The following GNG12 variants were observed in gnomAD, a reference collection of about 807,000 sequenced individuals.
The protein encoded by GNG12 is G protein subunit gamma 12.
For synonymous variants in GNG12, 28 were observed against 29.7 expected, an observed-to-expected ratio of 0.94 and a Z score of 0.19; for missense variants, 69 against 83.8, an observed-to-expected ratio of 0.82 and a Z score of 0.69.
intron 2 of GNG12, among the ~76,000 whole-genome samples, chr1:67,770,103 A>T (rs1365290715): frequency 6.6e-6 from 1 of 152,188 alleles, no homozygotes; most frequent in Non-Finnish European, 1.5e-5. Flanking sequence ...CCACCTCAAG[A>T]TGTAACAGAT....
intron 2 of GNG12, among the ~76,000 whole-genome samples, chr1:67,718,486 C>T (rs1646339136): frequency 6.6e-6 from 1 of 152,072 alleles, no homozygotes; most frequent in African/African-American, 2.4e-5. Flanking sequence ...TCTATACTTG[C>T]AGCACATCTC....
chr1:67,789,117 A>C (rs1283528817), intron 1 of GNG12, among the ~76,000 whole-genome samples: 1 of 152,216 alleles, frequency 6.6e-6, no homozygotes, highest in Non-Finnish European at 1.5e-5. Flanking sequence ...GGTAATGAAT[A>C]AAATAGGCGA....
intron 1 of GNG12, among the ~76,000 whole-genome samples, chr1:67,800,345 A>T (rs1646857656): frequency 6.6e-6 from 1 of 152,190 alleles, no homozygotes. Context: ...CCAAAATTCC[A>T]AGTTTGGCTT....
chr1:67,824,367 A>T (rs368571499), intron 1 of GNG12, among the ~76,000 whole-genome samples: 1 of 151,938 alleles, frequency 6.6e-6, no homozygotes. Context: ...AAAGTTTGCC[A>T]GGTGTGGTGG....
intron 2 of GNG12, among the ~76,000 whole-genome samples, chr1:67,768,465 T>TA (rs374961848): frequency 0.01 from 1,560 of 151,544 alleles, 16 homozygotes; most frequent in African/African-American, 0.025. Context: ...CCTATTTGAT[T>TA]AAAAAAAAAC....
In GNG12 at chr1:67,786,957, G is replaced by A. The variant is rs1296745051; in HGVS notation, c.-76-9450C>T. ...TATATGTGTGTGTGTGTGTGTGTGT[G>A]TGTGTGTGTGTGTGTGTGTGTGTGT... On this transcript the variant is annotated intron_variant, in intron 1 of 3. Coordinates refer to ENST00000370982, the MANE Select transcript of GNG12 (RefSeq NM_018841.6). Among the ~76,000 whole-genome samples, 261 of 144,654 alleles carry A rather than the reference G, an allele frequency of 1.8e-3. 2 individuals carry two copies. The highest frequency in any genetic ancestry group is 2.8e-3 in the East Asian group (14 of 5,040). The allele number at this position is 144,654 out of a possible 152,430, so 94.9% of individuals were successfully genotyped here. A position where few individuals can be genotyped will look rare whatever the true frequency, so the allele number is the denominator to read the frequency against.
intron 2 of GNG12, among the ~76,000 whole-genome samples, chr1:67,763,099 G>GAA (rs201291963): frequency 0.016 from 2,438 of 148,766 alleles, 88 homozygotes; most frequent in African/African-American, 0.058. Flanking sequence ...AGGAGAGAGA[G>GAA]AGAGAGAGAG....
At chr1:67,817,757 T>A (rs549018904) in intron 1 of GNG12, among the ~76,000 whole-genome samples, 377 of 151,970 alleles carry the variant, frequency 2.5e-3, no homozygotes, top group Non-Finnish European at 4.3e-3. Flanking sequence ...TAATAAATGT[T>A]AATAAATGTT....
At chr1:67,822,080 C>CA (rs918467324) in intron 1 of GNG12, among the ~76,000 whole-genome samples, 2 of 151,012 alleles carry the variant, frequency 1.3e-5, no homozygotes, top group East Asian at 1.9e-4. Flanking sequence ...AAAAAAATCG[C>CA]AAAAAAAATC....
intron 2 of GNG12, among the ~76,000 whole-genome samples, chr1:67,760,599 T>A (rs937069987): frequency 6.6e-6 from 1 of 152,302 alleles, no homozygotes; most frequent in East Asian, 1.9e-4. Flanking sequence ...ATGAAGCGAC[T>A]TGCCTAAAGT....
chr1:67,770,299 G>A (rs1034958100), intron 2 of GNG12, among the ~76,000 whole-genome samples: 1 of 152,326 alleles, frequency 6.6e-6, no homozygotes, highest in Admixed American at 6.5e-5. Context: ...AGAGGGCTCA[G>A]CCTTTCTTCT....
intron 2 of GNG12, among the ~76,000 whole-genome samples, chr1:67,767,332 CT>C (rs1646646677): frequency 6.6e-6 from 1 of 152,178 alleles, no homozygotes; most frequent in East Asian, 1.9e-4. Flanking sequence ...GCCTGAGCTC[CT>C]CCCGCTTAGG....
intron 2 of GNG12, 48 bp from the exon 3 acceptor site, chr1:67,707,760 T>C (rs1456719427): frequency 7.9e-6 from 7 of 889,400 alleles, no homozygotes; most frequent in Admixed American, 2.3e-5. Context: ...CTTTAAGTTA[T>C]TTAAACATTC....
At chr1:67,821,570 A>C (rs1249328250) in intron 1 of GNG12, among the ~76,000 whole-genome samples, 1 of 152,186 alleles carries the variant, frequency 6.6e-6, no homozygotes, top group Admixed American at 6.5e-5. Context: ...CCTCCCAATA[A>C]GAGGCCAACA....
intron 1 of GNG12, 31 bp downstream of exon 1, chr1:67,833,313 T>C: frequency 1.1e-6 from 1 of 899,042 alleles, no homozygotes. Context: ...GGGACCCGAC[T>C]CACCACCCGC....
intron 1 of GNG12, among the ~76,000 whole-genome samples, chr1:67,822,510 T>C (rs6679986): frequency 0.33 from 50,768 of 151,948 alleles, 8,724 homozygotes; most frequent in Middle Eastern, 0.48. Context: ...TAACAATTGA[T>C]TGAGATAAGT....
chr1:67,714,654 C>A (rs756541772), intron 2 of GNG12, among the ~76,000 whole-genome samples: 1 of 152,200 alleles, frequency 6.6e-6, no homozygotes, highest in Non-Finnish European at 1.5e-5. Context: ...GCATGCCTCA[C>A]TGGACTGCGG....
intron 2 of GNG12, among the ~76,000 whole-genome samples, chr1:67,765,806 T>C (rs1186303398): frequency 1.3e-5 from 2 of 152,200 alleles, no homozygotes. Flanking sequence ...AGCTAAAGTC[T>C]ATAATTTAGG....
chr1:67,792,274 C>T (rs998441024), intron 1 of GNG12, among the ~76,000 whole-genome samples: 26 of 152,122 alleles, frequency 1.7e-4, no homozygotes, highest in Non-Finnish European at 1.5e-5. Flanking sequence ...ATGCCTGACA[C>T]AGGCTAGGCA....
Sources: allele counts gnomAD v4.1 joint callset (sites outside exome capture counted in the v4.1 genomes callset), GRCh38; gene constraint gnomAD v4.1.1; transcripts MANE v1.5; gene names NCBI Gene and HGNC (gene_info 2026-07-23, HGNC 2026-07-21).